The following WDR87 variants were observed in gnomAD, a reference collection of about 807,000 sequenced individuals.
WDR87 encodes the protein WD repeat domain 87, also known as WD repeat-containing protein 87.
Under a neutral mutation model 83.3 loss-of-function variants are expected in WDR87, and 56 were observed. That is an observed-to-expected ratio of 0.67 (90% confidence interval 0.54 to 0.84). The LOEUF (loss-of-function observed/expected upper bound fraction) is 0.84, where lower values mean the gene tolerates loss of function less well. Ranked by LOEUF, WDR87 falls within the 40% of genes least tolerant of loss-of-function variation. The probability of loss-of-function intolerance (pLI) is 0.00; values close to 1 mark genes in which losing one functional copy is unlikely to be tolerated. For synonymous variants in WDR87, 1,173 were observed against 1,250.6 expected (o/e 0.94, Z 1.31); for missense variants, 2,939 against 3,431.9 (o/e 0.86, Z 3.59).
At chr19:37,900,988 A>T (rs76781082) in intron 1 of WDR87, among the ~76,000 whole-genome samples, 1 of 148,366 alleles carries the variant, frequency 6.7e-6, no homozygotes, top group Non-Finnish European at 1.5e-5. Flanking sequence ...AAAAAAAAAA[A>T]ATTAGCCAGG....
rs1179483807 is a variant in WDR87 at position 37,888,229 on chromosome 19, C to A, written c.5442G>T (p.Glu1814Asp). The A allele has an allele frequency of 6.4e-7, 1 of 1,552,028 alleles. No individual in the cohort carries two copies. Residue 1814 changes from glutamate (E) to aspartate (D), a missense_variant, in exon 6 of 6, where the codon GAG (glutamate) becomes GAT (aspartate). Around this residue, in one of 3 missense-constraint regions of WDR87, gnomAD observed 2,160 missense variants for 2,533.1 expected, o/e 0.85. Coordinates refer to ENST00000447313, the MANE Select transcript of WDR87 (RefSeq NM_001291088.2). The stretch of plus-strand genomic sequence containing the variant: ...GTTTCTCCTTTTCCTGGATCAGCAA[C>A]TCTTCTTCCTGGGCCAGTTTTGTCT... ...EEETKLAQEE[E>D]LLIQEKEKLA...
chr19:37,899,552 C>T (rs1227478360), intron 1 of WDR87, among the ~76,000 whole-genome samples: 1 of 152,156 alleles, frequency 6.6e-6, no homozygotes, highest in Non-Finnish European at 1.5e-5. Flanking sequence ...GATCCTCCCA[C>T]TTCAGCCTCC....
chr19:37,893,931 C>G lies in WDR87; in HGVS notation c.1772G>C (p.Gly591Ala). The change falls in exon 4 of 6, where the codon GGG (glycine) becomes GCG (alanine). Residue 591 changes from glycine to alanine, a missense_variant. Gly to Ala is a moderately conservative substitution (Grantham distance 60). Coordinates refer to ENST00000447313, the MANE Select transcript of WDR87 (RefSeq NM_001291088.2). Reference protein sequence around the residue: ...LWKFHDFLSSGSQNGLKFIET... With the variant: ...LWKFHDFLSSASQNGLKFIET... ...TATGAATTTCAAGCCATTCTGTGACCCAGAGGACAGAAAATCATGGAACTT... is the reference window on the plus strand; with the variant it reads ...TATGAATTTCAAGCCATTCTGTGACGCAGAGGACAGAAAATCATGGAACTT... 2 of 1,551,774 alleles carry G rather than the reference C, an allele frequency of 1.3e-6. No individual in the cohort carries two copies. Among genetic ancestry groups the G allele is most frequent in the South Asian group, 2.4e-5 (2 of 84,054 alleles).
intron 1 of WDR87, among the ~76,000 whole-genome samples, chr19:37,905,222 C>T (rs1271351864): frequency 2.1e-5 from 3 of 142,670 alleles, no homozygotes; most frequent in Non-Finnish European, 4.5e-5. Context: ...CAGAGTGGGA[C>T]TCCGTCTCCA....
At chr19:37,898,473 T>A (rs2046272677) in intron 1 of WDR87, among the ~76,000 whole-genome samples, 188 bp from the exon 2 acceptor site, 2 of 152,204 alleles carry the variant, frequency 1.3e-5, no homozygotes, top group South Asian at 2.1e-4. Context: ...ATTTTATAGA[T>A]GAGAAAACTG....
Position 37,885,560 on chromosome 19 carries a change from T to A in WDR87, c.8111A>T (p.Tyr2704Phe), listed in dbSNP as rs1360700249. 4 of 1,551,706 alleles carry A rather than the reference T, an allele frequency of 2.6e-6. No homozygotes were observed. The highest frequency in any genetic ancestry group is 3.5e-6 in the Non-Finnish European group (4 of 1,146,994). ...AATGTCTCTGGTGGCAGGATAAAAG[T>A]ATTGCATTTCCATCTCCTTGTGAGC... ...SIAHKEMEMQ[Y>F]FYPATRDIFP... The change falls in exon 6 of 6, where the codon TAC becomes TTC. Residue 2704 changes from tyrosine (Y) to phenylalanine (F), a missense_variant. Around this residue, in one of 3 missense-constraint regions of WDR87, gnomAD observed 2,160 missense variants for 2,533.1 expected, o/e 0.85. Transcript: ENST00000447313.
intron 1 of WDR87, among the ~76,000 whole-genome samples, chr19:37,901,299 C>T (rs536317704): frequency 7.2e-5 from 11 of 152,184 alleles, no homozygotes; most frequent in South Asian, 6.2e-4. Flanking sequence ...GGCATGGTGG[C>T]GGGCGCCTGT....
rs768392059 is a variant in WDR87 at position 37,887,552 on chromosome 19, A to G, written c.6119T>C (p.Val2040Ala). The stretch of plus-strand genomic sequence containing the variant: ...TTTTCTCTCAAATAGTTCTTGTTCA[A>G]CTTGAGTCATTTTCCTTTGTCTAGA... The part of the protein sequence containing the change: ...ETSRQRKMTQ[V>A]EQELFERKLS... Residue 2040 changes from valine to alanine, a missense_variant, in exon 6 of 6, where the codon GTT (valine) becomes GCT (alanine). By Grantham distance (64) the Val-to-Ala change is moderately conservative. Transcript: ENST00000447313. 103 of 1,551,662 alleles carry G rather than the reference A, an allele frequency of 6.6e-5. No individual in the cohort carries two copies. The highest frequency in any genetic ancestry group is 8.7e-5 in the Non-Finnish European group (100 of 1,147,034).
intron 2 of WDR87, among the ~76,000 whole-genome samples, chr19:37,897,643 G>A (rs956609655): frequency 2.0e-5 from 3 of 152,004 alleles, no homozygotes; most frequent in African/African-American, 7.2e-5. Flanking sequence ...CAGCACTTTG[G>A]GAGGCCGAGG....
At chr19:37,895,910 G>A (rs574638443) in intron 3 of WDR87, 12 of 544,180 alleles carry the variant, frequency 2.2e-5, no homozygotes, top group Middle Eastern at 1.0e-3. Flanking sequence ...TTGGAAATAC[G>A]GTAGAGGCAG....
intron 1 of WDR87, among the ~76,000 whole-genome samples, chr19:37,904,034 G>T (rs113547524): frequency 6.7e-6 from 1 of 150,122 alleles, no homozygotes; most frequent in African/African-American, 2.5e-5. Flanking sequence ...TCAGCCTCCC[G>T]AGTAGCTACA....
At position 37,885,936 on chromosome 19, in the gene WDR87, G is replaced by A. The variant is rs1490573936; in HGVS notation, c.7735C>T (p.Gln2579Ter). 1.9e-6 allele frequency: 3 copies of A among 1,552,160 alleles called. No individual in the cohort carries two copies. The highest frequency in any genetic ancestry group is 2.4e-5 in the East Asian group (1 of 40,936). The change falls in exon 6 of 6, where the codon CAG becomes TAG. Residue 2579 changes from glutamine (Q) to a stop codon, truncating the protein, a stop_gained. Coordinates refer to ENST00000447313, the MANE Select transcript of WDR87 (RefSeq NM_001291088.2). LOFTEE classifies it low-confidence loss of function (END_TRUNC). ...CTATGGAAACCATCCCTGGAAAGCT[G>A]TTCTCCCGCTTCCATTCGTTCTAGG... ...HVLERMEAGEQLSRDGFHRLC... is the reference protein window; with the variant it reads ...HVLERMEAGE
At position 37,894,483 on chromosome 19, in the gene WDR87, G is replaced by A; in HGVS notation, c.1220C>T (p.Ser407Leu). ...CCAATCCACAGCCTGGTCCAGGATT[G>A]AGAAGGGCCAGGTGATAACCAGAAG... ...GDLLVITWPF[S>L]ILDQAVDWAY... The change falls in exon 4 of 6, where the codon TCA becomes TTA. Residue 407 changes from serine to leucine, a missense_variant. By Grantham distance (145) the Ser-to-Leu change is moderately radical. Transcript: ENST00000447313. The A allele has an allele frequency of 6.4e-7, 1 of 1,551,720 alleles. No homozygotes were observed. The highest frequency in any genetic ancestry group is 1.4e-5 in the African/African-American group (1 of 73,162).
At chr19:37,906,414 C>T (rs1340393043) in intron 1 of WDR87, 85 bp downstream of exon 1, 1 of 152,230 alleles carries the variant, frequency 6.6e-6, no homozygotes, top group East Asian at 1.9e-4. Context: ...GGCGACTACA[C>T]CTGGGGCCCC....
chr19:37,891,907 G>A, intron 4 of WDR87, 87 bp from the exon 5 acceptor site: 5 of 1,473,558 alleles, frequency 3.4e-6, no homozygotes, highest in Non-Finnish European at 4.5e-6. Context: ...GGAACAGGCA[G>A]GAGGCTTGGC....
In WDR87 at chr19:37,893,181, T is replaced by C. The variant is rs1321157621; in HGVS notation, c.2522A>G (p.Tyr841Cys). 2.6e-6 allele frequency: 4 copies of C among 1,551,854 alleles called. No individual in the cohort carries two copies. Among genetic ancestry groups the C allele is most frequent in the Non-Finnish European group, 2.6e-6 (3 of 1,147,030 alleles). ...GGGTGCATGCAGGTTGCACTGTAGG[T>C]ATATTGGGGTGCCCTCTGGCCAAAG... Reference protein sequence around the residue: ...ARLWPEGTPIYLQCNLHAPQR... With the variant: ...ARLWPEGTPICLQCNLHAPQR... Residue 841 changes from tyrosine to cysteine, a missense_variant, in exon 4 of 6, where the codon TAC (tyrosine) becomes TGC (cysteine). Physicochemically the swap from Tyr to Cys is radical, Grantham distance 194. Coordinates refer to ENST00000447313, the MANE Select transcript of WDR87 (RefSeq NM_001291088.2).
intron 5 of WDR87, among the ~76,000 whole-genome samples, chr19:37,890,942 A>AT (rs1278631229): frequency 6.6e-6 from 1 of 152,050 alleles, no homozygotes; most frequent in Non-Finnish European, 1.5e-5. Context: ...TTATCTATAC[A>AT]TTTTTTTAAA....
At chr19:37,897,193 T>A (rs1325838725) in intron 2 of WDR87, among the ~76,000 whole-genome samples, 1 of 142,608 alleles carries the variant, frequency 7.0e-6, no homozygotes, top group Non-Finnish European at 1.5e-5. Context: ...GAAACATGCA[T>A]CTGGGATCCT....
chr19:37,895,191 G>T lies in WDR87; in HGVS notation c.512C>A (p.Ala171Glu). 1.3e-6 allele frequency: 2 copies of T among 1,551,688 alleles called. No individual in the cohort carries two copies. The highest frequency in any genetic ancestry group is 1.7e-6 in the Non-Finnish European group (2 of 1,146,998). Residue 171 changes from alanine to glutamate, a missense_variant, in exon 4 of 6, where the codon GCA becomes GAA. Physicochemically the swap from Ala to Glu is moderately radical, Grantham distance 107 (BLOSUM62 -1). Coordinates refer to ENST00000447313, the MANE Select transcript of WDR87 (RefSeq NM_001291088.2). Reference protein sequence around the residue: ...MKMLLSGILGAVVTWVIELGG... With the variant: ...MKMLLSGILGEVVTWVIELGG... ...TAGCTCAATGACCCAGGTCACCACTGCCCCCAGGATGCCAGACAGAAGCAT... is the reference window on the plus strand; with the variant it reads ...TAGCTCAATGACCCAGGTCACCACTTCCCCCAGGATGCCAGACAGAAGCAT...
Sources: allele counts gnomAD v4.1 joint callset (sites outside exome capture counted in the v4.1 genomes callset), GRCh38; gene constraint gnomAD v4.1.1; regional missense constraint gnomAD v4.1.1; transcripts MANE v1.5; gene names NCBI Gene and HGNC (gene_info 2026-07-23, HGNC 2026-07-21).